Variants in DHX40 observed in about 807,000 individuals in gnomAD.
The protein encoded by DHX40 is DEAH-box helicase 40.
DHX40 carries 28 observed loss-of-function variants against 89.6 expected under a neutral mutation model. The ratio of observed to expected loss-of-function variants is 0.31; its 90% CI spans 0.23 to 0.43. DHX40 has a LOEUF of 0.43. Ranked by LOEUF, DHX40 falls within the 20% of genes least tolerant of loss-of-function variation. DHX40 has a pLI of 1.00. For synonymous variants in DHX40, 226 were observed against 283.6 expected, an observed-to-expected ratio of 0.80 and a Z score of 2.04; for missense variants, 457 against 844.0, an observed-to-expected ratio of 0.54 and a Z score of 5.68.
intron 14 of DHX40, among the ~76,000 whole-genome samples, chr17:59,601,203 A>C (rs572693609): frequency 5.3e-5 from 8 of 151,828 alleles, no homozygotes; most frequent in Non-Finnish European, 8.8e-5. Flanking sequence ...TCAGTTACTC[A>C]GCAGGGTGAG....
chr17:59,605,979 A>G (rs924633243), intron 17 of DHX40, among the ~76,000 whole-genome samples: 10 of 151,766 alleles, frequency 6.6e-5, no homozygotes, highest in African/African-American at 2.4e-4. Flanking sequence ...AAAAAAAAAA[A>G]GTGATGATTT....
chr17:59,596,500 G>A (rs1380966847), intron 12 of DHX40, among the ~76,000 whole-genome samples: 1 of 152,154 alleles, frequency 6.6e-6, no homozygotes, highest in East Asian at 1.9e-4. Context: ...CTTGGGAGGT[G>A]GATGTTGCAG....
chr17:59,604,816 T>A (rs1192823323), intron 15 of DHX40: 1 of 280,108 alleles, frequency 3.6e-6, no homozygotes, highest in African/African-American at 2.2e-5. Flanking sequence ...AATTTTAGTT[T>A]TGACTTTTTA....
Position 59,607,353 on chromosome 17 carries a change from CAAAGA to C in DHX40, c.*187_*191del. The C allele has an allele frequency of 8.1e-7, 1 of 1,242,140 alleles. No individual in the cohort carries two copies. The highest frequency in any genetic ancestry group is 1.3e-5 in the South Asian group (1 of 77,328). The allele number at this position is 1,242,140 out of a possible 1,614,324, so 76.9% of individuals were successfully genotyped here. On this transcript the variant is annotated 3_prime_UTR_variant, in exon 18 of 18. Transcript: ENST00000251241. ...CATCAGTTCCCATAAATGCAGTTGT[CAAAGA>C]AAAGATTTGGTTGCCATAGTCATAA...
At chr17:59,575,495 A>G in intron 7 of DHX40, 24 bp downstream of exon 7, 1 of 1,607,620 alleles carries the variant, frequency 6.2e-7, no homozygotes, top group South Asian at 1.1e-5. Context: ...AGAATAGAAA[A>G]TTTGATTTTT....
intron 10 of DHX40, among the ~76,000 whole-genome samples, chr17:59,581,101 A>AAAACC (rs2048940649): frequency 6.7e-6 from 1 of 150,280 alleles, no homozygotes. Context: ...AAAACAAAAC[A>AAAACC]AAAGGGTATA....
intron 12 of DHX40, among the ~76,000 whole-genome samples, chr17:59,594,257 T>G (rs1304596266): frequency 6.6e-6 from 1 of 152,076 alleles, no homozygotes; most frequent in Non-Finnish European, 1.5e-5. Context: ...CTCCACTGAT[T>G]GCTAGCTGCT....
chr17:59,566,301 TAAATA>T (rs1421448405), intron 1 of DHX40, among the ~76,000 whole-genome samples: 1 of 152,232 alleles, frequency 6.6e-6, no homozygotes, highest in South Asian at 2.1e-4. Context: ...GGTCTATTGT[TAAATA>T]AAATTGAGTT....
chr17:59,574,010 G>A, intron 5 of DHX40, 43 bp downstream of exon 5: 1 of 1,111,530 alleles, frequency 9.0e-7, no homozygotes, highest in African/African-American at 1.8e-5. Context: ...AAATATCTAT[G>A]ATTCTTACTA....
intron 12 of DHX40, among the ~76,000 whole-genome samples, chr17:59,588,558 C>G (rs2049034758): frequency 6.6e-6 from 1 of 152,194 alleles, no homozygotes; most frequent in Non-Finnish European, 1.5e-5. Context: ...TCTCGAACTC[C>G]TGACCTCAGG....
chr17:59,569,277 G>A (rs2048753230), intron 2 of DHX40, among the ~76,000 whole-genome samples: 1 of 151,792 alleles, frequency 6.6e-6, no homozygotes, highest in African/African-American at 2.4e-5. Context: ...GCAGTGAGCC[G>A]AGATTGTGCC....
At position 59,570,462 on chromosome 17, in the gene DHX40, C is replaced by G. The variant is rs1278080140; in HGVS notation, c.281-56C>G. 5.9e-6 allele frequency: 9 copies of G among 1,528,332 alleles called. No individual in the cohort carries two copies. In the East Asian group the frequency reaches 1.5e-4, roughly 25 times the overall value. 94.7% of individuals were successfully genotyped at this position (1,528,332 alleles called of 1,614,324 possible). A position where few individuals can be genotyped will look rare whatever the true frequency, so the allele number is the denominator to read the frequency against. The stretch of plus-strand genomic sequence containing the variant: ...TTGATTGGCCAAAAACAATTTAGCT[C>G]TAATAGGAAGACAATTGCTAACATT... On this transcript the variant is annotated intron_variant, in intron 2 of 17. Coordinates refer to ENST00000251241, the MANE Select transcript of DHX40 (RefSeq NM_024612.5).
chr17:59,572,838 G>C (rs1216725895), intron 3 of DHX40, among the ~76,000 whole-genome samples: 3 of 152,200 alleles, frequency 2.0e-5, no homozygotes, highest in African/African-American at 7.2e-5. Flanking sequence ...CAATGCCATT[G>C]CATCATCTTG....
chr17:59,603,105 G>C (rs1341218099), intron 15 of DHX40, among the ~76,000 whole-genome samples: 1 of 152,092 alleles, frequency 6.6e-6, no homozygotes, highest in Non-Finnish European at 1.5e-5. Flanking sequence ...CAGAGGAATT[G>C]AACACATAAC....
chr17:59,607,346 C>G lies in DHX40; in HGVS notation c.*174C>G, dbSNP rs2030931505. 1 of 1,315,922 alleles carries G rather than the reference C, an allele frequency of 7.6e-7. No homozygotes were observed. The highest frequency in any genetic ancestry group is 1.1e-6 in the Non-Finnish European group (1 of 947,688). 81.5% of individuals were successfully genotyped at this position (1,315,922 alleles called of 1,614,324 possible). A position where few individuals can be genotyped will look rare whatever the true frequency, so the allele number is the denominator to read the frequency against. Reference sequence around the variant, plus strand: ...CAAAGCTCATCAGTTCCCATAAATGCAGTTGTCAAAGAAAAGATTTGGTTG... The same window carrying G: ...CAAAGCTCATCAGTTCCCATAAATGGAGTTGTCAAAGAAAAGATTTGGTTG... On this transcript the variant is annotated 3_prime_UTR_variant, in exon 18 of 18. Coordinates refer to ENST00000251241, the MANE Select transcript of DHX40 (RefSeq NM_024612.5).
At chr17:59,605,856 T>C in intron 17 of DHX40, 182 bp downstream of exon 17, 1 of 679,686 alleles carries the variant, frequency 1.5e-6, no homozygotes, top group South Asian at 1.5e-5. Context: ...TCCCAGTGAC[T>C]TGGGAGGCTG....
intron 1 of DHX40, among the ~76,000 whole-genome samples, chr17:59,565,987 A>G (rs116740039): frequency 3.0e-3 from 459 of 151,920 alleles, no homozygotes; most frequent in African/African-American, 9.9e-3. Flanking sequence ...AGTTAGGCGA[A>G]AACCTTACTG....
rs2048868044 is a variant in DHX40 at position 59,575,475 on chromosome 17, A to C, written c.973+4A>C. On this transcript the variant is annotated splice_donor_region_variant and intron_variant, in intron 7 of 17. Coordinates refer to ENST00000251241, the MANE Select transcript of DHX40 (RefSeq NM_024612.5). Reference sequence around the variant, plus strand: ...TGTTATGGATCAATGACAACAGGTAATTTCTCATTAGAATAGAAAATTTGA... The same window carrying C: ...TGTTATGGATCAATGACAACAGGTACTTTCTCATTAGAATAGAAAATTTGA... 3 of 1,610,422 alleles carry C rather than the reference A, an allele frequency of 1.9e-6. No individual in the cohort carries two copies. The highest frequency in any genetic ancestry group is 2.5e-6 in the Non-Finnish European group (3 of 1,178,928).
At chr17:59,588,963 G>A (rs1218547275) in intron 12 of DHX40, among the ~76,000 whole-genome samples, 3 of 152,082 alleles carry the variant, frequency 2.0e-5, no homozygotes, top group African/African-American at 2.4e-5. Context: ...AAATGCCTTC[G>A]CTTCTTTGTT....
Sources: gnomAD v4.1 joint callset for allele counts (sites outside exome capture counted in the v4.1 genomes callset) on GRCh38, gnomAD v4.1.1 for gene constraint, MANE v1.5 for transcripts, NCBI Gene and HGNC (gene_info 2026-07-23, HGNC 2026-07-21) for gene names.